Variants in THOC7 observed in about 807,000 individuals in gnomAD.
THOC7 encodes the protein THO complex subunit 7, also known as NIF3L1-binding protein 1.
In THOC7, 22 loss-of-function variants were observed where a neutral mutation model predicts 33.1. The ratio of observed to expected loss-of-function variants is 0.66; its 90% CI spans 0.47 to 0.95. The LOEUF (loss-of-function observed/expected upper bound fraction) is 0.95, where lower values mean the gene tolerates loss of function less well. Among genes scored for constraint, THOC7 ranks in the 40% least tolerant of loss-of-function variants. The probability of loss-of-function intolerance (pLI) is 0.00; values close to 1 mark genes in which losing one functional copy is unlikely to be tolerated. For synonymous variants in THOC7, 77 were observed against 76.8 expected (o/e 1.00, Z -0.01); for missense variants, 184 against 245.3 (o/e 0.75, Z 1.67).
chr3:63,838,714 G>A (rs1266641439), intron 2 of THOC7, among the ~76,000 whole-genome samples: 2 of 151,786 alleles, frequency 1.3e-5, no homozygotes, highest in African/African-American at 4.8e-5. Context: ...GCAAAGGTGG[G>A]ATTGTTGTTC....
intron 1 of THOC7, chr3:63,846,132 A>C (rs201137585): frequency 2.4e-6 from 1 of 414,290 alleles, no homozygotes; most frequent in Admixed American, 2.7e-5. Flanking sequence ...TGTAACTCCT[A>C]CTGCCTCTCT....
intron 1 of THOC7, among the ~76,000 whole-genome samples, chr3:63,853,517 A>C (rs550342176): frequency 8.1e-4 from 124 of 152,360 alleles, no homozygotes; most frequent in African/African-American, 2.4e-3. Flanking sequence ...ACTTTATAGA[A>C]ATATTGGGAA....
intron 1 of THOC7, 164 bp downstream of exon 1, chr3:63,863,608 G>A (rs567692121): frequency 9.1e-5 from 109 of 1,194,920 alleles, no homozygotes; most frequent in Admixed American, 1.8e-4. Flanking sequence ...GGAAGCAGCC[G>A]GGGAGGCCCG....
At chr3:63,852,331 A>G (rs1702036310) in intron 1 of THOC7, among the ~76,000 whole-genome samples, 1 of 152,168 alleles carries the variant, frequency 6.6e-6, no homozygotes, top group Non-Finnish European at 1.5e-5. Context: ...AAAACTAATA[A>G]AAGGGGTTAC....
At chr3:63,862,014 C>T (rs1463175826) in intron 1 of THOC7, among the ~76,000 whole-genome samples, 1 of 152,074 alleles carries the variant, frequency 6.6e-6, no homozygotes, top group African/African-American at 2.4e-5. Flanking sequence ...TGGTCTTGAA[C>T]TTCTGAGCTC....
chr3:63,853,803 G>A (rs1378930631), intron 1 of THOC7, among the ~76,000 whole-genome samples: 2 of 151,834 alleles, frequency 1.3e-5, no homozygotes, highest in African/African-American at 4.8e-5. Context: ...AGCTATTCGG[G>A]AAGCTGAGGC....
At chr3:63,858,918 G>T (rs973268652) in intron 1 of THOC7, among the ~76,000 whole-genome samples, 1 of 152,208 alleles carries the variant, frequency 6.6e-6, no homozygotes, top group Non-Finnish European at 1.5e-5. Context: ...CTGAGTGCAG[G>T]AAATAAAGGG....
intron 5 of THOC7, 144 bp downstream of exon 5, chr3:63,836,157 G>T: frequency 3.0e-6 from 2 of 674,500 alleles, no homozygotes; most frequent in Non-Finnish European, 2.3e-6. Context: ...AAATCTAACA[G>T]AGAAGTATGG....
At chr3:63,845,094 C>T in intron 1 of THOC7, 1 of 694,114 alleles carries the variant, frequency 1.4e-6, no homozygotes, top group Non-Finnish European at 2.6e-6. Flanking sequence ...TGATGCTAAC[C>T]TTCTTTTCTG....
chr3:63,844,533 C>T (rs1337858929), intron 1 of THOC7, among the ~76,000 whole-genome samples: 2 of 152,100 alleles, frequency 1.3e-5, no homozygotes, highest in South Asian at 2.1e-4. Flanking sequence ...TAATTGCCAT[C>T]GTGCCAGTAT....
intron 4 of THOC7, among the ~76,000 whole-genome samples, chr3:63,837,126 A>C (rs1206610872): frequency 6.6e-6 from 1 of 151,974 alleles, no homozygotes; most frequent in East Asian, 1.9e-4. Flanking sequence ...ATTGTTTTAG[A>C]ACTGAGCATA....
intron 1 of THOC7, among the ~76,000 whole-genome samples, chr3:63,843,652 G>C (rs955181058): frequency 4.6e-5 from 7 of 152,108 alleles, no homozygotes; most frequent in Non-Finnish European, 1.0e-4. Flanking sequence ...TGTAATCCCA[G>C]CACTTTGGGA....
At chr3:63,853,970 T>C (rs1365506880) in intron 1 of THOC7, among the ~76,000 whole-genome samples, 1 of 152,176 alleles carries the variant, frequency 6.6e-6, no homozygotes, top group African/African-American at 2.4e-5. Flanking sequence ...AGAGTAAATG[T>C]TGAAGATTTA....
intron 1 of THOC7, among the ~76,000 whole-genome samples, chr3:63,846,417 AT>A (rs962831144): frequency 6.6e-6 from 1 of 151,696 alleles, no homozygotes; most frequent in Non-Finnish European, 1.5e-5. Context: ...AAAAATTTTT[AT>A]TTTTTTTAGA....
At chr3:63,861,793 GT>G (rs10715557) in intron 1 of THOC7, 97,244 of 145,238 alleles carry the variant, frequency 0.67, 32,367 homozygotes, top group Middle Eastern at 0.77. Flanking sequence ...GTGTGTGTGT[GT>G]TTTTTTTTTT....
chr3:63,854,602 T>G (rs1308299644), intron 1 of THOC7: 1 of 152,186 alleles, frequency 6.6e-6, no homozygotes, highest in Non-Finnish European at 1.5e-5. Context: ...CCAAAATACT[T>G]GACACCTGCT....
At chr3:63,846,573 A>G (rs901916604) in intron 1 of THOC7, among the ~76,000 whole-genome samples, 3 of 151,966 alleles carry the variant, frequency 2.0e-5, no homozygotes, top group Non-Finnish European at 4.4e-5. Context: ...ACGCCAGGCT[A>G]ATTTTTTTGT....
At chr3:63,863,682 G>C in intron 1 of THOC7, 90 bp downstream of exon 1, 1 of 1,237,830 alleles carries the variant, frequency 8.1e-7, no homozygotes, top group Non-Finnish European at 1.0e-6. Context: ...AGGCCGAGGG[G>C]TTCCCGGAAG....
At chr3:63,849,280 C>T (rs1325894714) in intron 1 of THOC7, among the ~76,000 whole-genome samples, 11 of 152,140 alleles carry the variant, frequency 7.2e-5, no homozygotes, top group Non-Finnish European at 1.5e-5. Flanking sequence ...ACCAACTACT[C>T]AGGAGGCTGA....
Sources: allele counts gnomAD v4.1 joint callset (sites outside exome capture counted in the v4.1 genomes callset), GRCh38; gene constraint gnomAD v4.1.1; transcripts MANE v1.5; gene names NCBI Gene and HGNC (gene_info 2026-07-23, HGNC 2026-07-21).